The following ATP6V1G3 variants were observed in gnomAD, a reference collection of about 807,000 sequenced individuals.
The protein encoded by ATP6V1G3 is V-type proton ATPase subunit G 3.
ATP6V1G3 carries 9 observed loss-of-function variants against 9.3 expected under a neutral mutation model. The observed-to-expected ratio is 0.97, with a 90% CI of 0.59 to 1.69. The LOEUF (loss-of-function observed/expected upper bound fraction) is 1.69. Ranked by LOEUF, ATP6V1G3 falls within the 40% of genes most tolerant of loss-of-function variation. The pLI is 0.00. For missense variants in ATP6V1G3, 133 were observed against 139.0 expected, an observed-to-expected ratio of 0.96 and a Z score of 0.22; for synonymous variants, 43 against 43.8, an observed-to-expected ratio of 0.98 and a Z score of 0.07.
chr1:198,539,559 T>C (rs1175747613), intron 1 of ATP6V1G3, among the ~76,000 whole-genome samples: 1 of 152,036 alleles, frequency 6.6e-6, no homozygotes, highest in Non-Finnish European at 1.5e-5. Context: ...TTTTTTATTA[T>C]GCAAATTGTG....
intron 1 of ATP6V1G3, among the ~76,000 whole-genome samples, chr1:198,535,137 G>A (rs72734000): frequency 0.051 from 7,699 of 152,072 alleles, 282 homozygotes; most frequent in Middle Eastern, 0.071. Flanking sequence ...AATGCTCTGT[G>A]GTTATTATTT....
intron 1 of ATP6V1G3, chr1:198,536,556 T>C: frequency 1.4e-6 from 1 of 720,014 alleles, no homozygotes; most frequent in Non-Finnish European, 2.3e-6. Context: ...TGTGATTTCA[T>C]CTAAATTCAA....
chr1:198,539,808 G>A (rs2103148113), intron 1 of ATP6V1G3, among the ~76,000 whole-genome samples: 1 of 152,282 alleles, frequency 6.6e-6, no homozygotes, highest in South Asian at 2.1e-4. Flanking sequence ...CTCCATTTCT[G>A]CATACATTGG....
At chr1:198,534,084 A>T (rs1010262275) in intron 1 of ATP6V1G3, among the ~76,000 whole-genome samples, 1 of 152,180 alleles carries the variant, frequency 6.6e-6, no homozygotes, top group African/African-American at 2.4e-5. Flanking sequence ...GGTCAAGTGG[A>T]TTTGACAGCT....
chr1:198,540,711 CT>C, upstream of ATP6V1G3: 3 of 1,469,862 alleles, frequency 2.0e-6, no homozygotes, highest in Non-Finnish European at 2.9e-6. Context: ...TTCATTTATT[CT>C]TTTAGAAATT....
intron 2 of ATP6V1G3, among the ~76,000 whole-genome samples, chr1:198,528,625 C>T (rs1261698741): frequency 6.6e-6 from 1 of 152,000 alleles, no homozygotes; most frequent in Non-Finnish European, 1.5e-5. Flanking sequence ...TCAGGAAATA[C>T]CAGAAGGCTT....
At chr1:198,525,924 C>G (rs1038557584) in intron 2 of ATP6V1G3, among the ~76,000 whole-genome samples, 1 of 152,088 alleles carries the variant, frequency 6.6e-6, no homozygotes, top group Non-Finnish European at 1.5e-5. Flanking sequence ...CAGTTTAACT[C>G]TGAACAAGTA....
chr1:198,523,281 A>G lies in ATP6V1G3; in HGVS notation c.*110T>C, dbSNP rs1220019221. ...ATGAGTTATGTCACATTTCCTGTAA[A>G]TGTAAATTTAAGGTTCTCATTTCAA... is the stretch of plus-strand genomic sequence containing the variant. On this transcript the variant is annotated 3_prime_UTR_variant, in exon 3 of 3. Transcript: ENST00000367382. 1 of 1,064,260 alleles carries G rather than the reference A, an allele frequency of 9.4e-7. No homozygotes were observed. Among genetic ancestry groups the G allele is most frequent in the Non-Finnish European group, 1.4e-6 (1 of 731,096 alleles). 65.9% of individuals were successfully genotyped at this position (1,064,260 alleles called of 1,614,324 possible). A position where few individuals can be genotyped will look rare whatever the true frequency, so the allele number is the denominator to read the frequency against.
At chr1:198,524,796 C>T (rs1026269071) in intron 2 of ATP6V1G3, among the ~76,000 whole-genome samples, 1 of 152,152 alleles carries the variant, frequency 6.6e-6, no homozygotes, top group Admixed American at 6.6e-5. Context: ...GGCAAGAAGA[C>T]TGTTTTATGT....
intron 2 of ATP6V1G3, among the ~76,000 whole-genome samples, chr1:198,524,061 G>GT (rs1302534520): frequency 1.3e-5 from 2 of 150,728 alleles, no homozygotes; most frequent in African/African-American, 4.9e-5. Context: ...TATCTGAACT[G>GT]TATCTTGCTT....
chr1:198,536,606 G>A, intron 1 of ATP6V1G3: 1 of 1,284,152 alleles, frequency 7.8e-7, no homozygotes, highest in South Asian at 1.6e-5. Flanking sequence ...AAATGAGTGA[G>A]AGCTTTAACT....
chr1:198,534,826 G>C (rs1386322986), intron 1 of ATP6V1G3, among the ~76,000 whole-genome samples: 1 of 152,094 alleles, frequency 6.6e-6, no homozygotes, highest in African/African-American at 2.4e-5. Context: ...AAAACTTCTT[G>C]GCTTTGGGCG....
chr1:198,538,767 G>A lies in ATP6V1G3; in HGVS notation c.82+1802C>T, dbSNP rs143143421. Among the ~76,000 whole-genome samples, 744 of 151,942 alleles carry A rather than the reference G, an allele frequency of 4.9e-3. 1 individual carries two copies. Among genetic ancestry groups the A allele is most frequent in the Admixed American group, 7.3e-3 (111 of 15,266 alleles). The stretch of plus-strand genomic sequence containing the variant: ...AAAATACAAAAATTGGCCGGGTGTG[G>A]TGGCGTGTGTCTGTGGTCCCAGCTA... On this transcript the variant is annotated intron_variant, in intron 1 of 2. Transcript: ENST00000367382.
At chr1:198,536,183 A>G (rs183681389) in intron 1 of ATP6V1G3, among the ~76,000 whole-genome samples, 21 of 152,302 alleles carry the variant, frequency 1.4e-4, no homozygotes, top group Admixed American at 1.2e-3. Flanking sequence ...GTTGAATTGC[A>G]TGCATTTGAG....
chr1:198,537,763 A>G (rs776477583), intron 1 of ATP6V1G3, among the ~76,000 whole-genome samples: 2 of 152,192 alleles, frequency 1.3e-5, no homozygotes, highest in African/African-American at 2.4e-5. Flanking sequence ...TTAAGGAAGA[A>G]CTAGGTCTTA....
At chr1:198,532,035 G>A (rs114437272) in intron 1 of ATP6V1G3, among the ~76,000 whole-genome samples, 1,566 of 152,210 alleles carry the variant, frequency 0.01, 28 homozygotes, top group African/African-American at 0.035. Flanking sequence ...TGTCACTAGA[G>A]AAGCCTCTGT....
At chr1:198,537,685 TC>T (rs1316620786) in intron 1 of ATP6V1G3, among the ~76,000 whole-genome samples, 1 of 152,232 alleles carries the variant, frequency 6.6e-6, no homozygotes, top group East Asian at 1.9e-4. Flanking sequence ...TCTTTACCTC[TC>T]CTGTCATCAT....
chr1:198,538,022 G>A (rs1660188369), intron 1 of ATP6V1G3, among the ~76,000 whole-genome samples: 1 of 152,184 alleles, frequency 6.6e-6, no homozygotes, highest in South Asian at 2.1e-4. Flanking sequence ...CAACGCCTGT[G>A]GCTTCTGAGG....
intron 1 of ATP6V1G3, 88 bp downstream of exon 1, chr1:198,540,481 A>C (rs535396086): frequency 3.6e-6 from 5 of 1,389,558 alleles, no homozygotes; most frequent in African/African-American, 1.4e-5. Flanking sequence ...GTTTGAAACA[A>C]GGTCTGCCTA....
Sources: allele counts gnomAD v4.1 joint callset (sites outside exome capture counted in the v4.1 genomes callset), GRCh38; gene constraint gnomAD v4.1.1; transcripts MANE v1.5; gene names NCBI Gene and HGNC (gene_info 2026-07-23, HGNC 2026-07-21).